Variants in ADCY6 observed in about 807,000 individuals in gnomAD.
ADCY6 encodes adenylate cyclase 6.
ADCY6 carries 59 observed loss-of-function variants against 111.6 expected under a neutral mutation model. The observed-to-expected ratio is 0.53, with a 90% CI of 0.43 to 0.66. The LOEUF is 0.66. Ranked by LOEUF, ADCY6 falls within the 30% of genes least tolerant of loss-of-function variation. The probability of loss-of-function intolerance (pLI) is 0.00; values close to 1 mark genes in which losing one functional copy is unlikely to be tolerated. For synonymous variants in ADCY6, 576 were observed against 642.9 expected (o/e 0.90, Z 1.57); for missense variants, 1,242 against 1,595.6 (o/e 0.78, Z 3.78).
At chr12:48,769,126 C>T (rs900991961) in intron 20 of ADCY6, 65 bp from the exon 21 acceptor site, 11 of 1,417,996 alleles carry the variant, frequency 7.8e-6, no homozygotes, top group African/African-American at 2.9e-5. Flanking sequence ...AGTCATCCCA[C>T]CTCCTGGCAC....
At position 48,774,470 on chromosome 12, in the gene ADCY6, G is replaced by A. The variant is rs201529747; in HGVS notation, c.2215C>T (p.Arg739Trp). The change falls in exon 14 of 22, where the codon CGG becomes TGG. Residue 739 changes from arginine (R) to tryptophan (W), a missense_variant. Around this residue, in one of 4 missense-constraint regions of ADCY6, gnomAD observed 375 missense variants for 432.5 expected, o/e 0.87. Coordinates refer to ENST00000357869, the MANE Select transcript of ADCY6 (RefSeq NM_015270.5). ...QRLSRSIVRS[R>W]AHSTAVGIFS... ...ATGCCAACTGCGGTGCTATGTGCCC[G>A]TGAGCGGACAATGCTGCGGGACAGA... 1.9e-5 allele frequency: 31 copies of A among 1,614,020 alleles called. No individual in the cohort carries two copies. Among genetic ancestry groups the A allele is most frequent in the Non-Finnish European group, 2.3e-5 (27 of 1,179,988 alleles).
chr12:48,772,080 G>C (rs748323230), intron 18 of ADCY6, 107 bp from the exon 19 acceptor site: 2 of 1,468,092 alleles, frequency 1.4e-6, no homozygotes, highest in African/African-American at 1.4e-5. Flanking sequence ...AGAAAGAAAG[G>C]CCCAGACAGA....
rs1241072907 is a variant in ADCY6 at position 48,778,098 on chromosome 12, G to A, written c.1014+10C>T. On this transcript the variant is annotated intron_variant, in intron 3 of 21. Coordinates refer to ENST00000357869, the MANE Select transcript of ADCY6 (RefSeq NM_015270.5). ...TGGGGGCAGGCCCTGGTCACGGGGA[G>A]CAGCCCCACCTGCTGCCGATTCTCA... 3 of 1,602,046 alleles carry A rather than the reference G, an allele frequency of 1.9e-6. No individual in the cohort carries two copies. In the Admixed American group the frequency reaches 5.2e-5, roughly 28 times the overall value.
intron 2 of ADCY6, among the ~76,000 whole-genome samples, chr12:48,778,775 A>G (rs1025692368): frequency 2.8e-4 from 42 of 152,118 alleles, no homozygotes; most frequent in African/African-American, 9.7e-4. Context: ...ACTTAGTAAC[A>G]ATAATCACCA....
Position 48,782,336 on chromosome 12 carries a change from G to A in ADCY6, c.864+235C>T, listed in dbSNP as rs180755436. 1.6e-4 allele frequency among the ~76,000 whole-genome samples: 24 copies of A among 152,172 alleles called. No homozygotes were observed. Among genetic ancestry groups the A allele is most frequent in the African/African-American group, 5.3e-4 (22 of 41,496 alleles). On this transcript the variant is annotated intron_variant, in intron 2 of 21. Coordinates refer to ENST00000357869, the MANE Select transcript of ADCY6 (RefSeq NM_015270.5). This position sits in a 1 kb window ranked among gnomAD's most constrained non-coding sequence, Gnocchi z 4.3. Reference sequence around the variant, plus strand: ...CCCATGGTGACAGAGTTCAGGCTTGGGTCCTGGGGCCCTCCCTCCCCTCAG... The same window carrying A: ...CCCATGGTGACAGAGTTCAGGCTTGAGTCCTGGGGCCCTCCCTCCCCTCAG...
chr12:48,774,879 T>C (rs991287028), intron 12 of ADCY6, 78 bp downstream of exon 12: 1 of 1,515,538 alleles, frequency 6.6e-7, no homozygotes, highest in Non-Finnish European at 9.0e-7. Flanking sequence ...CCAGGGATTG[T>C]GGGCTTGTGT....
At chr12:48,770,722 GA>G in intron 20 of ADCY6, 43 bp downstream of exon 20, 1 of 1,590,038 alleles carries the variant, frequency 6.3e-7, no homozygotes, top group Non-Finnish European at 8.6e-7. Context: ...GCTTCACCTG[GA>G]AAAAGTCCTG....
In ADCY6 at chr12:48,773,613, G is replaced by A. The variant is rs1227489849; in HGVS notation, c.2477C>T (p.Ala826Val). The stretch of plus-strand genomic sequence containing the variant: ...GCTGATGTGCAGGAAGACAGAGCTG[G>A]CCAAGAGACTCAGCAGCATGTTCCC... ...FIGNMLLSLL[A>V]SSVFLHISSI... Residue 826 changes from alanine to valine, a missense_variant, in exon 16 of 22, where the codon GCC becomes GTC. Physicochemically the swap from Ala to Val is moderately conservative, Grantham distance 64. Around this residue, in one of 4 missense-constraint regions of ADCY6, gnomAD observed 375 missense variants for 432.5 expected, o/e 0.87. Transcript: ENST00000357869. 6.2e-7 allele frequency: 1 copy of A among 1,614,136 alleles called. No homozygotes were observed. Among genetic ancestry groups the A allele is most frequent in the Admixed American group, 1.7e-5 (1 of 60,028 alleles).
intron 1 of ADCY6, among the ~76,000 whole-genome samples, chr12:48,784,913 C>A (rs1941952582): frequency 6.6e-6 from 1 of 152,070 alleles, no homozygotes. Context: ...GATCTGCCAC[C>A]AGCTAACAGT....
At chr12:48,772,667 G>T in intron 16 of ADCY6, 124 bp from the exon 17 acceptor site, 1 of 1,115,544 alleles carries the variant, frequency 9.0e-7, no homozygotes, top group Non-Finnish European at 1.3e-6. Flanking sequence ...TTGGGCCAGG[G>T]CTTTTACTTA....
chr12:48,781,498 G>A (rs923883290), intron 2 of ADCY6, among the ~76,000 whole-genome samples: 1 of 152,304 alleles, frequency 6.6e-6, no homozygotes, highest in Admixed American at 6.5e-5. Flanking sequence ...GGTAACAGGA[G>A]ATGGCAGATC....
In ADCY6 at chr12:48,768,393, T is replaced by G; in HGVS notation, c.*198A>C. The G allele has an allele frequency of 1.4e-6, 1 of 714,182 alleles. No homozygotes were observed. The highest frequency in any genetic ancestry group is 2.3e-6 in the Non-Finnish European group (1 of 432,502). The allele number at this position is 714,182 out of a possible 1,614,324, so 44.2% of individuals were successfully genotyped here. On this transcript the variant is annotated 3_prime_UTR_variant, in exon 22 of 22. Transcript: ENST00000357869. ...GTAAGAAAGAAAGTCACTTGCATAA[T>G]CCTCTCGGTAGGTAGCCCCTTGTTT...
intron 1 of ADCY6, among the ~76,000 whole-genome samples, chr12:48,787,984 C>T (rs1046496013): frequency 6.6e-6 from 1 of 152,200 alleles, no homozygotes; most frequent in Non-Finnish European, 1.5e-5. Flanking sequence ...GCCCATCTGC[C>T]CCTGCCCTCC....
At position 48,777,871 on chromosome 12, in the gene ADCY6, C is replaced by A. The variant is rs1565648596; in HGVS notation, c.1015-135G>T. On this transcript the variant is annotated intron_variant, in intron 3 of 21. Coordinates refer to ENST00000357869, the MANE Select transcript of ADCY6 (RefSeq NM_015270.5). This position sits in a 1 kb window ranked among gnomAD's most constrained non-coding sequence, Gnocchi z 4.9. ...CCTTCCCTTCTGGACTGTGGCCTGA[C>A]CTTCCCCCATCAGAGCCCCCTCTGA... 2 of 1,417,506 alleles carry A rather than the reference C, an allele frequency of 1.4e-6. No homozygotes were observed. The highest frequency in any genetic ancestry group is 1.4e-5 in the South Asian group (1 of 73,730). The allele number at this position is 1,417,506 out of a possible 1,614,324, so 87.8% of individuals were successfully genotyped here.
chr12:48,774,793 G>T lies in ADCY6; in HGVS notation c.2079-15C>A. 1 of 1,612,192 alleles carries T rather than the reference G, an allele frequency of 6.2e-7. No homozygotes were observed. Among genetic ancestry groups the T allele is most frequent in the Non-Finnish European group, 8.5e-7 (1 of 1,178,620 alleles). Reference sequence around the variant, plus strand: ...TCAGGGTGGAGCTGGGGCAGAACAGGGCCAGAAAAATCATTTAATTCTGGA... The same window carrying T: ...TCAGGGTGGAGCTGGGGCAGAACAGTGCCAGAAAAATCATTTAATTCTGGA... On this transcript the variant is annotated splice_polypyrimidine_tract_variant and intron_variant, in intron 12 of 21. Transcript: ENST00000357869.
rs1307550808 is a variant in ADCY6, at chr12:48,782,584, A to G, written c.851T>C (p.Phe284Ser). 3 of 1,610,900 alleles carry G rather than the reference A, an allele frequency of 1.9e-6. No homozygotes were observed. Among genetic ancestry groups the G allele is most frequent in the Non-Finnish European group, 2.5e-6 (3 of 1,178,296 alleles). ...CTGGCCACCTACCTGCTTCCAGAGG[A>G]AGGCATCACCACGGTTAAGTTGCCA... ...LAWQLNRGDA[F>S]LWKQLGANVL... Residue 284 changes from phenylalanine (F) to serine (S), a missense_variant, in exon 2 of 22, where the codon TTC (phenylalanine) becomes TCC (serine). Physicochemically the swap from Phe to Ser is radical, Grantham distance 155 (BLOSUM62 -2). This residue lies in a region of ADCY6 where 260 missense variants were observed against 414.6 expected (regional missense o/e 0.63). Transcript: ENST00000357869. This position sits in a 1 kb window ranked among gnomAD's most constrained non-coding sequence, Gnocchi z 4.3.
chr12:48,778,324 A>AT, intron 2 of ADCY6, 67 bp from the exon 3 acceptor site: 1 of 1,594,256 alleles, frequency 6.3e-7, no homozygotes. Context: ...ACACACACAC[A>AT]TTCACACAAC....
intron 14 of ADCY6, 71 bp downstream of exon 14, chr12:48,774,331 G>T: frequency 4.9e-6 from 7 of 1,434,356 alleles, no homozygotes; most frequent in Non-Finnish European, 6.9e-6. Flanking sequence ...CCTTTTCTCC[G>T]CTGTACTCCC....
chr12:48,788,423 G>A (rs1406477404), intron 1 of ADCY6, among the ~76,000 whole-genome samples: 1 of 152,132 alleles, frequency 6.6e-6, no homozygotes, highest in African/African-American at 2.4e-5. Context: ...CAGGCCTTGG[G>A]GGATGTGGGG....
Sources: allele counts gnomAD v4.1 joint callset (sites outside exome capture counted in the v4.1 genomes callset), GRCh38; gene constraint gnomAD v4.1.1; regional missense constraint gnomAD v4.1.1; non-coding constraint Gnocchi (gnomAD v3.1); transcripts MANE v1.5; gene names NCBI Gene and HGNC (gene_info 2026-07-23, HGNC 2026-07-21).